Variants in NRIP1 observed in about 807,000 individuals in gnomAD.
NRIP1 encodes nuclear receptor interacting protein 1, also known as nuclear receptor-interacting protein 1.
In NRIP1, 28 loss-of-function variants were observed where a neutral mutation model predicts 75.0. The observed-to-expected ratio is 0.37, with a 90% CI of 0.28 to 0.51. The LOEUF (loss-of-function observed/expected upper bound fraction) is 0.51, where lower values mean the gene tolerates loss of function less well. Among genes scored for constraint, NRIP1 ranks in the 20% least tolerant of loss-of-function variants. The pLI, the probability that NRIP1 is intolerant of heterozygous loss-of-function variation, is 0.92. For synonymous variants in NRIP1, 526 were observed against 487.6 expected (o/e 1.08, Z -1.04); for missense variants, 1,435 against 1,343.7 (o/e 1.07, Z -1.06).
chr21:15,062,060 C>T (rs1316380126), intron 1 of NRIP1, among the ~76,000 whole-genome samples: 1 of 152,204 alleles, frequency 6.6e-6, no homozygotes, highest in Non-Finnish European at 1.5e-5. Flanking sequence ...ATACAGTGCT[C>T]TAGTTCTTTC....
intron 1 of NRIP1, among the ~76,000 whole-genome samples, chr21:15,055,680 CCT>C: frequency 6.6e-6 from 1 of 152,202 alleles, no homozygotes; most frequent in South Asian, 2.1e-4. Context: ...TACACAAACC[CCT>C]CTTTCTGAGA....
At chr21:15,030,183 A>T (rs1335900870) in intron 2 of NRIP1, among the ~76,000 whole-genome samples, 3 of 152,276 alleles carry the variant, frequency 2.0e-5, no homozygotes, top group Non-Finnish European at 4.4e-5. Flanking sequence ...TCAAGATGGC[A>T]GAGTAGAAAA....
At chr21:14,975,943 G>C (rs1229564469) in intron 3 of NRIP1, among the ~76,000 whole-genome samples, 1 of 151,868 alleles carries the variant, frequency 6.6e-6, no homozygotes. Flanking sequence ...GTAACAGCAA[G>C]GTACTATGTT....
intron 3 of NRIP1, among the ~76,000 whole-genome samples, chr21:15,006,188 A>G (rs73336816): frequency 2.6e-4 from 40 of 152,306 alleles, no homozygotes; most frequent in African/African-American, 7.9e-4. Flanking sequence ...AAAAAAAATC[A>G]TTAGAATAGT....
intron 3 of NRIP1, among the ~76,000 whole-genome samples, chr21:15,007,200 A>T (rs1391640317): frequency 6.6e-6 from 1 of 152,222 alleles, no homozygotes; most frequent in Non-Finnish European, 1.5e-5. Flanking sequence ...AAAGCATATT[A>T]GAAAAACAAA....
intron 1 of NRIP1, chr21:15,050,495 C>T (rs2089177884): frequency 3.1e-6 from 1 of 322,944 alleles, no homozygotes; most frequent in Non-Finnish European, 6.1e-6. Flanking sequence ...TTTCTATAAC[C>T]AAAACGTAGT....
chr21:14,993,764 A>G (rs1467144990), intron 3 of NRIP1, among the ~76,000 whole-genome samples: 1 of 152,060 alleles, frequency 6.6e-6, no homozygotes, highest in Non-Finnish European at 1.5e-5. Flanking sequence ...CAGCCTGGGC[A>G]ACAGAGAGAG....
In NRIP1 at chr21:14,966,264, C is replaced by T; in HGVS notation, c.1929G>A (p.Met643Ile). 6.2e-7 allele frequency: 1 copy of T among 1,614,132 alleles called. No individual in the cohort carries two copies. Among genetic ancestry groups the T allele is most frequent in the South Asian group, 1.1e-5 (1 of 91,084 alleles). Residue 643 changes from methionine to isoleucine, a missense_variant, in exon 4 of 4, where the codon ATG (methionine) becomes ATA (isoleucine). Coordinates refer to ENST00000318948, the MANE Select transcript of NRIP1 (RefSeq NM_003489.4). ...TGCTGGGTCTCTGCTCTTCCACTGA[C>T]ATGGATGACTGCATTCCACATTGTG... The part of the protein sequence containing the change: ...NLAQCGMQSS[M>I]SVEEQRPSKQ...
At position 14,994,447 on chromosome 21, in the gene NRIP1, GCTAT is replaced by G. The variant is rs376168612; in HGVS notation, c.-335+19893_-335+19896del. Among the ~76,000 whole-genome samples the G allele has an allele frequency of 5.8e-4, 88 of 152,300 alleles. 1 individual carries two copies. The South Asian group carries it at 9.9e-3, about 17-fold the overall frequency. On this transcript the variant is annotated intron_variant, in intron 3 of 3. Coordinates refer to ENST00000318948, the MANE Select transcript of NRIP1 (RefSeq NM_003489.4). The stretch of plus-strand genomic sequence containing the variant: ...TGCTATACAGAGAGTTTTCTTGAGT[GCTAT>G]CTAACTTTTTTATTATTTTCATTTG...
At position 14,966,007 on chromosome 21, in the gene NRIP1, T is replaced by C. The variant is rs769731808; in HGVS notation, c.2186A>G (p.Glu729Gly). ...ACTTTCATCTCTTAAGGGAGTTTTC[T>C]CTTTTTTTTCACTCTTCCCTTTGTT... Reference protein sequence around the residue: ...NPNKGKSEKKEKTPLRDESTQ... With the variant: ...NPNKGKSEKKGKTPLRDESTQ... Residue 729 changes from glutamate to glycine, a missense_variant, in exon 4 of 4, where the codon GAG (glutamate) becomes GGG (glycine). Physicochemically the swap from Glu to Gly is moderately conservative, Grantham distance 98. Transcript: ENST00000318948. 6.2e-7 allele frequency: 1 copy of C among 1,611,580 alleles called. No individual in the cohort carries two copies. Among genetic ancestry groups the C allele is most frequent in the Non-Finnish European group, 8.5e-7 (1 of 1,179,416 alleles).
Position 14,966,202 on chromosome 21 carries a change from C to T in NRIP1, c.1991G>A (p.Gly664Asp), listed in dbSNP as rs574552787. 9.9e-6 allele frequency: 16 copies of T among 1,613,780 alleles called. No homozygotes were observed. In the South Asian group the frequency reaches 1.6e-4, roughly 17 times the overall value. The change falls in exon 4 of 4, where the codon GGT (glycine) becomes GAT (aspartate). Residue 664 changes from glycine to aspartate, a missense_variant. Physicochemically the swap from Gly to Asp is moderately conservative, Grantham distance 94 (BLOSUM62 -1). Coordinates refer to ENST00000318948, the MANE Select transcript of NRIP1 (RefSeq NM_003489.4). Reference protein sequence around the residue: ...LLTGNTDKPIGMIDRLNSPLL... With the variant: ...LLTGNTDKPIDMIDRLNSPLL... ...AGGGCTATTTAATCTATCAATCATACCTATCGGTTTATCTGTGTTTCCAGT... is the reference window on the plus strand; with the variant it reads ...AGGGCTATTTAATCTATCAATCATATCTATCGGTTTATCTGTGTTTCCAGT...
intron 2 of NRIP1, among the ~76,000 whole-genome samples, chr21:15,017,557 GATT>G (rs1175403272): frequency 1.3e-5 from 2 of 152,126 alleles, no homozygotes; most frequent in African/African-American, 4.8e-5. Context: ...CCTGTAAGGT[GATT>G]ATTATTATCC....
intron 3 of NRIP1, among the ~76,000 whole-genome samples, chr21:14,984,398 AGT>A (rs2087333745): frequency 6.6e-6 from 1 of 151,204 alleles, no homozygotes; most frequent in African/African-American, 2.4e-5. Context: ...CCTGAGCTCA[AGT>A]GATCCTCCCA....
chr21:15,018,922 T>G (rs2088301003), intron 2 of NRIP1, among the ~76,000 whole-genome samples: 1 of 152,016 alleles, frequency 6.6e-6, no homozygotes, highest in Non-Finnish European at 1.5e-5. Context: ...GGAGAAAAAA[T>G]TCCACCTTCC....
Position 15,031,792 on chromosome 21 carries a change from C to T in NRIP1, c.-458+11703G>A, listed in dbSNP as rs1174861115. 2.3e-4 allele frequency among the ~76,000 whole-genome samples: 31 copies of T among 133,678 alleles called. No homozygotes were observed. In the East Asian group the frequency reaches 2.4e-3, roughly 10 times the overall value. The allele number at this position is 133,678 out of a possible 152,430, so 87.7% of individuals were successfully genotyped here. ...ATGTGTATACACTCTGGAAGGCGCT[C>T]GGAGGATCACCACATTCCCTTTCTA... is the stretch of plus-strand genomic sequence containing the variant. On this transcript the variant is annotated intron_variant, in intron 2 of 3. Transcript: ENST00000318948.
intron 3 of NRIP1, among the ~76,000 whole-genome samples, chr21:15,005,138 CA>C (rs1385269402): frequency 6.6e-6 from 1 of 152,158 alleles, no homozygotes; most frequent in Non-Finnish European, 1.5e-5. Flanking sequence ...GAATTCAAAG[CA>C]ATGACAAATA....
In NRIP1 at chr21:14,963,007, A is replaced by G. The variant is rs1483208725; in HGVS notation, c.*1709T>C. 2.6e-5 allele frequency: 4 copies of G among 152,376 alleles called. No individual in the cohort carries two copies. Among genetic ancestry groups the G allele is most frequent in the African/African-American group, 9.7e-5 (4 of 41,420 alleles). The allele number at this position is 152,376 out of a possible 1,614,324, so 9.4% of individuals were successfully genotyped here. On this transcript the variant is annotated 3_prime_UTR_variant, in exon 4 of 4. Coordinates refer to ENST00000318948, the MANE Select transcript of NRIP1 (RefSeq NM_003489.4). ...TTGTGGATTGTACAAACTGAACATA[A>G]AAACAGACCTGTTTCGCAACTGAAA...
At chr21:14,998,086 G>A (rs1855567419) in intron 3 of NRIP1, among the ~76,000 whole-genome samples, 1 of 152,136 alleles carries the variant, frequency 6.6e-6, no homozygotes. Flanking sequence ...GTATCTCTGT[G>A]TTTGGTCAAT....
At chr21:15,021,749 T>G (rs1404783935) in intron 2 of NRIP1, among the ~76,000 whole-genome samples, 1 of 152,126 alleles carries the variant, frequency 6.6e-6, no homozygotes, top group Non-Finnish European at 1.5e-5. Flanking sequence ...CAGACAGTTC[T>G]AAAAAGAAGA....
Sources: allele counts gnomAD v4.1 joint callset (sites outside exome capture counted in the v4.1 genomes callset), GRCh38; gene constraint gnomAD v4.1.1; transcripts MANE v1.5; gene names NCBI Gene and HGNC (gene_info 2026-07-23, HGNC 2026-07-21).